MEIG1: variants seen among roughly 807,000 people sequenced by gnomAD.
MEIG1 encodes the protein meiosis expressed gene 1 protein homolog.
In MEIG1, 12 loss-of-function variants were observed where a neutral mutation model predicts 11.3. The ratio of observed to expected loss-of-function variants is 1.07; its 90% CI spans 0.68 to 1.73. The LOEUF (loss-of-function observed/expected upper bound fraction) is 1.73. Ranked by LOEUF, MEIG1 falls within the 40% of genes most tolerant of loss-of-function variation. The pLI is 0.00. For synonymous variants in MEIG1, 41 were observed against 33.2 expected (o/e 1.24, Z -0.81); for missense variants, 119 against 104.9 (o/e 1.13, Z -0.59).
intron 1 of MEIG1, among the ~76,000 whole-genome samples, chr10:14,982,323 G>A (rs1564509987): frequency 6.6e-6 from 1 of 152,024 alleles, no homozygotes; most frequent in Non-Finnish European, 1.5e-5. Flanking sequence ...TCGGTTCGTG[G>A]TACCTGGGTC....
chr10:14,984,885 G>C (rs1250749108), intron 1 of MEIG1, among the ~76,000 whole-genome samples: 2 of 151,908 alleles, frequency 1.3e-5, no homozygotes, highest in East Asian at 1.9e-4. Flanking sequence ...TCCTGTACAC[G>C]CTTCAATATT....
chr10:14,976,591 G>C (rs1001633798), downstream of MEIG1, among the ~76,000 whole-genome samples: 7 of 152,022 alleles, frequency 4.6e-5, no homozygotes, highest in African/African-American at 1.5e-4. Flanking sequence ...TGTACACTCT[G>C]TGATATTATC....
downstream of MEIG1, among the ~76,000 whole-genome samples, chr10:14,975,386 G>C (rs1446366525): frequency 1.3e-5 from 2 of 151,934 alleles, no homozygotes; most frequent in African/African-American, 4.8e-5. Flanking sequence ...GAGAGGAGAG[G>C]CTGATATGAC....
intron 1 of MEIG1, among the ~76,000 whole-genome samples, chr10:14,982,637 G>T (rs1589215799): frequency 6.6e-6 from 1 of 152,188 alleles, no homozygotes; most frequent in African/African-American, 2.4e-5. Flanking sequence ...CCAGTATACC[G>T]CTGCTCTCTC....
chr10:14,985,221 C>A (rs1843307108), intron 1 of MEIG1, among the ~76,000 whole-genome samples: 1 of 151,630 alleles, frequency 6.6e-6, no homozygotes, highest in Non-Finnish European at 1.5e-5. Flanking sequence ...GGATGTTATT[C>A]GTAATATTCT....
chr10:14,975,658 G>C (rs1843202144), downstream of MEIG1, among the ~76,000 whole-genome samples: 1 of 152,028 alleles, frequency 6.6e-6, no homozygotes, highest in Non-Finnish European at 1.5e-5. Context: ...GCCCCCCTGT[G>C]ATATGATCCT....
At chr10:14,978,318 A>G (rs1843231488) in intron 1 of MEIG1, among the ~76,000 whole-genome samples, 1 of 152,046 alleles carries the variant, frequency 6.6e-6, no homozygotes, top group Non-Finnish European at 1.5e-5. Flanking sequence ...GTACTGTGAT[A>G]TTATTCATAA....
At chr10:14,957,627 T>A (rs1298133592), upstream of MEIG1, among the ~76,000 whole-genome samples, 1 of 152,104 alleles carries the variant, frequency 6.6e-6, no homozygotes, top group Non-Finnish European at 1.5e-5. Context: ...ATAATTTGAC[T>A]TAGGTTTTTT....
intron 2 of MEIG1, 124 bp from the exon 3 acceptor site, chr10:14,972,389 C>G (rs1843161820): frequency 8.0e-7 from 1 of 1,253,948 alleles, no homozygotes; most frequent in African/African-American, 1.5e-5. Context: ...AAAGCTCAAG[C>G]ATTCTAAAAT....
chr10:14,975,810 G>A (rs1051183555), downstream of MEIG1, among the ~76,000 whole-genome samples: 1 of 152,084 alleles, frequency 6.6e-6, no homozygotes, highest in African/African-American at 2.4e-5. Flanking sequence ...CGCCCCCAGT[G>A]ATATTGGTCC....
downstream of MEIG1, among the ~76,000 whole-genome samples, chr10:14,975,550 C>T (rs188383841): frequency 1.1e-4 from 17 of 152,152 alleles, no homozygotes; most frequent in Admixed American, 2.0e-4. Flanking sequence ...GATAATACCC[C>T]CCATACCGCA....
chr10:14,981,358 C>A (rs1441131653), intron 1 of MEIG1, among the ~76,000 whole-genome samples: 1 of 152,062 alleles, frequency 6.6e-6, no homozygotes, highest in Non-Finnish European at 1.5e-5. Context: ...GAGACTGGCT[C>A]TCAGCTTGCT....
chr10:14,984,229 T>C (rs1420980722), intron 1 of MEIG1, among the ~76,000 whole-genome samples: 1 of 134,136 alleles, frequency 7.5e-6, no homozygotes, highest in Admixed American at 7.2e-5. Flanking sequence ...CCCCCTGCGA[T>C]GTGGATCGTA....
chr10:14,979,529 G>C (rs956729451), intron 1 of MEIG1, among the ~76,000 whole-genome samples: 1 of 151,974 alleles, frequency 6.6e-6, no homozygotes, highest in African/African-American at 2.4e-5. Context: ...TCACAGGGGT[G>C]TACACCCTGT....
At chr10:14,985,113 T>C (rs551154242) in intron 1 of MEIG1, among the ~76,000 whole-genome samples, 12 of 150,538 alleles carry the variant, frequency 8.0e-5, no homozygotes, top group Non-Finnish European at 1.0e-4. Context: ...GGATGTTACT[T>C]CTAATGTCAC....
intron 1 of MEIG1, among the ~76,000 whole-genome samples, chr10:14,965,534 C>G (rs746062938): frequency 2.0e-5 from 3 of 152,144 alleles, no homozygotes; most frequent in Non-Finnish European, 2.9e-5. Context: ...ATCAAAAGAT[C>G]AGGTACTACA....
intron 1 of MEIG1, among the ~76,000 whole-genome samples, chr10:14,962,279 G>GT (rs1344597756): frequency 6.6e-6 from 1 of 151,884 alleles, no homozygotes; most frequent in East Asian, 1.9e-4. Context: ...TTCATTTTGT[G>GT]TTTTTAATAA....
chr10:14,983,448 C>T (rs1437127731), intron 1 of MEIG1, among the ~76,000 whole-genome samples: 1 of 151,956 alleles, frequency 6.6e-6, no homozygotes, highest in Non-Finnish European at 1.5e-5. Flanking sequence ...TATGACTCCC[C>T]ATACAGCAGG....
Position 14,972,567 on chromosome 10 carries a change from A to C in MEIG1, c.193A>C (p.Thr65Pro), listed in dbSNP as rs1843164766. 2 of 1,613,934 alleles carry C rather than the reference A, an allele frequency of 1.2e-6. No individual in the cohort carries two copies. Among genetic ancestry groups the C allele is most frequent in the Middle Eastern group, 3.3e-4 (2 of 6,062 alleles). Residue 65 changes from threonine to proline, a missense_variant, in exon 3 of 3, where the codon ACG (threonine) becomes CCG (proline). By Grantham distance (38) the Thr-to-Pro change is conservative (BLOSUM62 -1). Coordinates refer to ENST00000407572, the MANE Select transcript of MEIG1 (RefSeq NM_001080836.3). ...YVKKLQRRDN[T>P]FYYYNKQREC... ...GAAGAAACTTCAGAGAAGGGACAAT[A>C]CGTTCTATTACTACAACAAACAGAG...
Sources: allele counts gnomAD v4.1 joint callset (sites outside exome capture counted in the v4.1 genomes callset), GRCh38; gene constraint gnomAD v4.1.1; transcripts MANE v1.5; gene names NCBI Gene and HGNC (gene_info 2026-07-23, HGNC 2026-07-21).